Variants in CNTN5 observed in about 807,000 individuals in gnomAD.
CNTN5 encodes contactin-5.
CNTN5 carries 77 observed loss-of-function variants against 129.1 expected under a neutral mutation model. The ratio of observed to expected loss-of-function variants is 0.60; its 90% CI spans 0.50 to 0.72. The LOEUF (loss-of-function observed/expected upper bound fraction) is 0.72, where lower values mean the gene tolerates loss of function less well. Among genes scored for constraint, CNTN5 ranks in the 30% least tolerant of loss-of-function variants. CNTN5 has a pLI of 0.00. For synonymous variants in CNTN5, 509 were observed against 465.6 expected (o/e 1.09, Z -1.20); for missense variants, 1,478 against 1,328.8 (o/e 1.11, Z -1.75).
intron 3 of CNTN5, among the ~76,000 whole-genome samples, chr11:99,626,803 C>G (rs940308814): frequency 6.6e-6 from 1 of 152,020 alleles, no homozygotes; most frequent in African/African-American, 2.4e-5. Context: ...TGAAACGATA[C>G]TCAAGGTGAC....
chr11:99,181,358 T>C (rs1858053679), intron 1 of CNTN5, among the ~76,000 whole-genome samples: 1 of 152,212 alleles, frequency 6.6e-6, no homozygotes, highest in Admixed American at 6.5e-5. Flanking sequence ...GTGTCTCATT[T>C]GGGTTTGGGC....
intron 23 of CNTN5, among the ~76,000 whole-genome samples, chr11:100,348,948 C>T (rs943356357): frequency 1.3e-5 from 2 of 151,890 alleles, no homozygotes; most frequent in African/African-American, 4.8e-5. Flanking sequence ...TCTGATGAAT[C>T]TCCGGTATGT....
At chr11:100,022,445 G>A (rs1941211285) in intron 9 of CNTN5, among the ~76,000 whole-genome samples, 1 of 151,930 alleles carries the variant, frequency 6.6e-6, no homozygotes, top group African/African-American at 2.4e-5. Context: ...TTGTGTTAAT[G>A]GTGTATTTTA....
In CNTN5 at chr11:100,340,511, A is replaced by G; in HGVS notation, c.2779A>G (p.Lys927Glu). The change falls in exon 22 of 25, where the codon AAA becomes GAA. Residue 927 changes from lysine (K) to glutamate (E), a missense_variant. Physicochemically the swap from Lys to Glu is moderately conservative, Grantham distance 56. Transcript: ENST00000524871. ...ACAGGAAGATACAGCAGAAACAGTCAAAACTAGAGGGAATGAGTCTTTCGT... is the reference window on the plus strand; with the variant it reads ...ACAGGAAGATACAGCAGAAACAGTCGAAACTAGAGGGAATGAGTCTTTCGT... ...MEQEDTAETV[K>E]TRGNESFVIL... 1 of 1,613,368 alleles carries G rather than the reference A, an allele frequency of 6.2e-7. No homozygotes were observed. The highest frequency in any genetic ancestry group is 8.5e-7 in the Non-Finnish European group (1 of 1,179,556).
At chr11:99,146,520 G>A (rs1014366893) in intron 1 of CNTN5, among the ~76,000 whole-genome samples, 3 of 151,974 alleles carry the variant, frequency 2.0e-5, no homozygotes, top group Non-Finnish European at 2.9e-5. Context: ...AGAAAATAAA[G>A]GCTATAATCA....
intron 1 of CNTN5, among the ~76,000 whole-genome samples, chr11:99,314,692 G>T (rs7937128): frequency 0.05 from 7,590 of 151,882 alleles, 619 homozygotes; most frequent in African/African-American, 0.17. Context: ...GTGAGTGAGA[G>T]AATAGGGTAG....
intron 2 of CNTN5, among the ~76,000 whole-genome samples, chr11:99,396,366 A>G (rs1342787585): frequency 6.6e-6 from 1 of 151,628 alleles, no homozygotes; most frequent in Non-Finnish European, 1.5e-5. Context: ...TAAAATATAG[A>G]GAAACTCTGT....
intron 2 of CNTN5, among the ~76,000 whole-genome samples, chr11:99,337,222 A>T (rs896812739): frequency 3.9e-5 from 6 of 152,168 alleles, no homozygotes; most frequent in African/African-American, 1.4e-4. Flanking sequence ...TAATTTATAA[A>T]TATTACAGTT....
intron 7 of CNTN5, among the ~76,000 whole-genome samples, chr11:99,942,283 A>G (rs892511835): frequency 9.2e-5 from 14 of 152,024 alleles, no homozygotes; most frequent in Admixed American, 5.3e-4. Flanking sequence ...CTATGGGAGA[A>G]CATAGGACCA....
Position 100,287,982 on chromosome 11 carries a change from A to G in CNTN5, c.2315-9643A>G, listed in dbSNP as rs542233315. ...CCCAGTCTCTGATAAAACAGACTTT[A>G]AACCAACAAAGATCAAAAGAGACAA... On this transcript the variant is annotated intron_variant, in intron 18 of 24. Coordinates refer to ENST00000524871, the MANE Select transcript of CNTN5 (RefSeq NM_014361.4). 3.9e-5 allele frequency among the ~76,000 whole-genome samples: 6 copies of G among 152,258 alleles called. No homozygotes were observed. The East Asian group carries it at 7.7e-4, about 20-fold the overall frequency.
intron 18 of CNTN5, among the ~76,000 whole-genome samples, chr11:100,283,038 C>A (rs891699256): frequency 6.6e-6 from 1 of 152,200 alleles, no homozygotes; most frequent in East Asian, 1.9e-4. Flanking sequence ...AGAGTCAACT[C>A]CTGGGATCAG....
intron 1 of CNTN5, among the ~76,000 whole-genome samples, chr11:99,073,418 C>A (rs1310878902): frequency 7.9e-6 from 1 of 126,276 alleles, no homozygotes; most frequent in African/African-American, 3.0e-5. Flanking sequence ...TCTAGGATAC[C>A]TGTGCTGAAT....
intron 1 of CNTN5, among the ~76,000 whole-genome samples, chr11:99,031,834 T>A (rs1234358927): frequency 6.6e-6 from 1 of 151,648 alleles, no homozygotes; most frequent in Non-Finnish European, 1.5e-5. Flanking sequence ...GTTACATATG[T>A]ATACATGTGC....
chr11:99,069,936 A>G (rs1201865735), intron 1 of CNTN5, among the ~76,000 whole-genome samples: 1 of 152,146 alleles, frequency 6.6e-6, no homozygotes, highest in Non-Finnish European at 1.5e-5. Flanking sequence ...GAAGGATTTA[A>G]TTAGCCATTT....
At chr11:99,304,253 G>C (rs1864774801) in intron 1 of CNTN5, among the ~76,000 whole-genome samples, 2 of 151,980 alleles carry the variant, frequency 1.3e-5, no homozygotes, top group Admixed American at 1.3e-4. Context: ...ACTATAAATG[G>C]ACTGATCTTT....
chr11:99,884,962 G>A (rs2135875590), intron 6 of CNTN5, among the ~76,000 whole-genome samples: 1 of 152,194 alleles, frequency 6.6e-6, no homozygotes, highest in African/African-American at 2.4e-5. Flanking sequence ...CAGCGACAGA[G>A]CGACACCCCA....
intron 3 of CNTN5, among the ~76,000 whole-genome samples, chr11:99,815,954 C>G (rs1272456152): frequency 6.6e-6 from 1 of 152,126 alleles, no homozygotes; most frequent in Non-Finnish European, 1.5e-5. Context: ...CCCTCCCTCA[C>G]CGGGTTAGAG....
chr11:99,469,907 AATC>A (rs980338566), intron 2 of CNTN5, among the ~76,000 whole-genome samples: 1 of 152,180 alleles, frequency 6.6e-6, no homozygotes, highest in African/African-American at 2.4e-5. Flanking sequence ...TATGAATAAT[AATC>A]ATCATCATAA....
chr11:99,536,847 G>T (rs1947918840), intron 2 of CNTN5, among the ~76,000 whole-genome samples: 1 of 79,188 alleles, frequency 1.3e-5, no homozygotes. Context: ...TTTTCTAGTA[G>T]TCACATTAAA....
Sources: gnomAD v4.1 joint callset for allele counts (sites outside exome capture counted in the v4.1 genomes callset) on GRCh38, gnomAD v4.1.1 for gene constraint, MANE v1.5 for transcripts, NCBI Gene and HGNC (gene_info 2026-07-23, HGNC 2026-07-21) for gene names.